PDE1C: variants seen among roughly 807,000 people sequenced by gnomAD.
The protein encoded by PDE1C is phosphodiesterase 1C.
PDE1C carries 62 observed loss-of-function variants against 93.1 expected under a neutral mutation model. That is an observed-to-expected ratio of 0.67 (90% CI 0.54 to 0.82). The LOEUF is 0.82. PDE1C is among the 40% of genes least tolerant of loss of function. The pLI, the probability that PDE1C is intolerant of heterozygous loss-of-function variation, is 0.00. For missense variants in PDE1C, 742 were observed against 884.6 expected, an observed-to-expected ratio of 0.84 and a Z score of 2.04; for synonymous variants, 325 against 310.1, an observed-to-expected ratio of 1.05 and a Z score of -0.50.
At chr7:32,073,447 G>A (rs999327878), upstream of PDE1C, among the ~76,000 whole-genome samples, 1 of 152,138 alleles carries the variant, frequency 6.6e-6, no homozygotes, top group African/African-American at 2.4e-5. Flanking sequence ...GAACTCAAAT[G>A]CATAACTCAG....
chr7:32,374,961 C>T (rs1472630448), intron 1 of PDE1C, among the ~76,000 whole-genome samples: 1 of 152,162 alleles, frequency 6.6e-6, no homozygotes, highest in African/African-American at 2.4e-5. Flanking sequence ...ACCGAGTTCC[C>T]AGGACGCCCA....
chr7:32,068,322 T>A (rs30595), intron 1 of PDE1C, among the ~76,000 whole-genome samples: 21,552 of 152,166 alleles, frequency 0.14, 2,130 homozygotes, highest in East Asian at 0.41. Context: ...AAAATGTTAT[T>A]CCAAGTTGTA....
rs535148932 is a variant in PDE1C at position 32,418,028 on chromosome 7, T to G, written c.310+9794A>C. ...GGTTTTGAGACAGAATCTCACACTGTGACCTAGGCTAAAATGCAGTGGTAT... is the reference window on the plus strand; with the variant it reads ...GGTTTTGAGACAGAATCTCACACTGGGACCTAGGCTAAAATGCAGTGGTAT... On this transcript the variant is annotated intron_variant, in intron 1 of 1. Coordinates refer to the PDE1C transcript ENST00000672256. Among the ~76,000 whole-genome samples, 3 of 152,338 alleles carry G rather than the reference T, an allele frequency of 2.0e-5. No individual in the cohort carries two copies. The East Asian group carries it at 5.8e-4, about 29-fold the overall frequency.
intron 2 of PDE1C, among the ~76,000 whole-genome samples, chr7:31,993,446 C>A (rs1334067150): frequency 1.3e-5 from 2 of 152,110 alleles, no homozygotes; most frequent in South Asian, 4.2e-4. Context: ...TAGAAGGGAA[C>A]AAGAAAGAGA....
chr7:32,384,152 A>T (rs1784583887), intron 1 of PDE1C, among the ~76,000 whole-genome samples: 1 of 152,208 alleles, frequency 6.6e-6, no homozygotes, highest in Admixed American at 6.5e-5. Context: ...CCAGGTATTT[A>T]ACAAGCTTGT....
intron 16 of PDE1C, chr7:31,789,007 T>C (rs536127401): frequency 6.6e-6 from 1 of 152,308 alleles, no homozygotes; most frequent in East Asian, 1.9e-4. Context: ...ATTAAATCTG[T>C]AGTGGGGAAT....
the PDE1C span, among the ~76,000 whole-genome samples, chr7:31,683,995 C>T: frequency 6.6e-6 from 1 of 152,200 alleles, no homozygotes; most frequent in African/African-American, 2.4e-5. Flanking sequence ...CGGCTCCTTG[C>T]ACTTATGCTG....
chr7:32,311,026 A>C (rs1198116506), intron 1 of PDE1C, among the ~76,000 whole-genome samples: 1 of 152,216 alleles, frequency 6.6e-6, no homozygotes, highest in Non-Finnish European at 1.5e-5. Context: ...AAAGAAGAAA[A>C]GAGAGAAGAA....
chr7:31,697,860 C>T, the PDE1C span, among the ~76,000 whole-genome samples: 4 of 152,212 alleles, frequency 2.6e-5, no homozygotes, highest in Middle Eastern at 3.4e-3. Context: ...GCTATTATCT[C>T]GTTTTGCAGA....
At chr7:32,235,658 T>C (rs1165055643) in intron 1 of PDE1C, among the ~76,000 whole-genome samples, 1 of 151,838 alleles carries the variant, frequency 6.6e-6, no homozygotes, top group African/African-American at 2.4e-5. Flanking sequence ...AAAGAAGACA[T>C]AAATAAAAGG....
At chr7:31,686,663 T>A in the PDE1C span, 1 of 152,170 alleles carries the variant, frequency 6.6e-6, no homozygotes, top group African/African-American at 2.4e-5. Context: ...TCCTCATCAA[T>A]AAAATGGGAT....
At chr7:31,777,268 G>A (rs1375553143) in intron 16 of PDE1C, among the ~76,000 whole-genome samples, 1 of 152,136 alleles carries the variant, frequency 6.6e-6, no homozygotes, top group Non-Finnish European at 1.5e-5. Flanking sequence ...CCCTACCCCA[G>A]AATCCCTGGG....
chr7:31,921,783 T>C (rs1802654105), intron 2 of PDE1C, among the ~76,000 whole-genome samples: 1 of 152,250 alleles, frequency 6.6e-6, no homozygotes, highest in Non-Finnish European at 1.5e-5. Context: ...TAATTTTATA[T>C]AATGCTTTTA....
downstream of PDE1C, among the ~76,000 whole-genome samples, chr7:31,749,920 G>C (rs774187143): frequency 6.6e-5 from 10 of 151,686 alleles, no homozygotes; most frequent in Non-Finnish European, 1.2e-4. Flanking sequence ...GTATTTTTTA[G>C]TAGAAACAGG....
At chr7:32,157,706 TG>T (rs1801665120) in intron 3 of PDE1C, among the ~76,000 whole-genome samples, 1 of 152,158 alleles carries the variant, frequency 6.6e-6, no homozygotes, top group Non-Finnish European at 1.5e-5. Flanking sequence ...AAGCTAAAGC[TG>T]AAAGGTCATG....
At chr7:32,007,547 C>T (rs1393255308) in intron 2 of PDE1C, among the ~76,000 whole-genome samples, 1 of 152,172 alleles carries the variant, frequency 6.6e-6, no homozygotes, top group African/African-American at 2.4e-5. Flanking sequence ...GACAAATCAT[C>T]AAGATAGCTG....
intron 2 of PDE1C, among the ~76,000 whole-genome samples, chr7:31,947,941 G>A (rs1333618961): frequency 1.3e-5 from 2 of 152,184 alleles, no homozygotes; most frequent in African/African-American, 4.8e-5. Flanking sequence ...AGATGTGCAG[G>A]TGATGGTGGT....
the PDE1C span, among the ~76,000 whole-genome samples, chr7:31,663,821 G>A: frequency 6.6e-6 from 1 of 152,056 alleles, no homozygotes; most frequent in South Asian, 2.1e-4. Flanking sequence ...TTTACATACC[G>A]TGTTTGGGAA....
intron 11 of PDE1C, among the ~76,000 whole-genome samples, chr7:31,833,068 T>C (rs1326973956): frequency 2.0e-5 from 3 of 152,174 alleles, no homozygotes; most frequent in Non-Finnish European, 4.4e-5. Context: ...GATAATTGAA[T>C]AATGGGGGCA....
Sources: allele counts gnomAD v4.1 joint callset (sites outside exome capture counted in the v4.1 genomes callset), GRCh38; gene constraint gnomAD v4.1.1; transcripts MANE v1.5; gene names NCBI Gene and HGNC (gene_info 2026-07-23, HGNC 2026-07-21).